The following PSMD12 variants were observed in gnomAD, a reference collection of about 807,000 sequenced individuals.
PSMD12 encodes the protein 26S proteasome non-ATPase regulatory subunit 12.
PSMD12 carries 8 observed loss-of-function variants against 62.9 expected under a neutral mutation model. The observed-to-expected ratio is 0.13, with a 90% confidence interval of 0.07 to 0.23. The LOEUF is 0.23. Ranked by LOEUF, PSMD12 falls within the 10% of genes least tolerant of loss-of-function variation. The probability of loss-of-function intolerance (pLI) is 1.00; values close to 1 mark genes in which losing one functional copy is unlikely to be tolerated. For synonymous variants in PSMD12, 173 were observed against 187.4 expected, an observed-to-expected ratio of 0.92 and a Z score of 0.63; for missense variants, 424 against 550.2, an observed-to-expected ratio of 0.77 and a Z score of 2.29.
rs1416789554 is a variant in PSMD12, at chr17:67,350,283, G to T, written c.351C>A (p.Asp117Glu). The T allele has an allele frequency of 6.2e-7, 1 of 1,613,270 alleles. No homozygotes were observed. The highest frequency in any genetic ancestry group is 1.1e-5 in the South Asian group (1 of 90,892). Residue 117 changes from aspartate (D) to glutamate (E), a missense_variant, in exon 4 of 11, where the codon GAC becomes GAA. Physicochemically the swap from Asp to Glu is conservative, Grantham distance 45. Coordinates refer to ENST00000356126, the MANE Select transcript of PSMD12 (RefSeq NM_002816.5). ...QCCTYVEEITDLPIKLRLIDT... is the reference protein window; with the variant it reads ...QCCTYVEEITELPIKLRLIDT... ...CAATTAATCGAAGTTTGATAGGAAG[G>T]TCTGTGATTTCCTCAACATAAGTAC...
intron 3 of PSMD12, among the ~76,000 whole-genome samples, chr17:67,352,589 G>A (rs1397059334): frequency 6.6e-6 from 1 of 152,148 alleles, no homozygotes; most frequent in East Asian, 1.9e-4. Flanking sequence ...AAATCAGATG[G>A]GGTTAAAAAC....
At position 67,357,519 on chromosome 17, in the gene PSMD12, A is replaced by T; in HGVS notation, c.168T>A (p.Thr56=). The T allele has an allele frequency of 6.2e-7, 1 of 1,613,666 alleles. No homozygotes were observed. The highest frequency in any genetic ancestry group is 8.5e-7 in the Non-Finnish European group (1 of 1,179,590). ...TLLSLEKQTR[T]ASDMVSTSRI... Reference sequence around the variant, plus strand: ...GAGCTTTCCCCTGTAAACTACTCACAGTACGAGTCTGCTTTTCCAGAGAGA... The same window carrying T: ...GAGCTTTCCCCTGTAAACTACTCACTGTACGAGTCTGCTTTTCCAGAGAGA... Residue 56 remains threonine, a splice_region_variant and synonymous_variant, in exon 2 of 11, where the codon ACT becomes ACA. Transcript: ENST00000356126.
intron 3 of PSMD12, among the ~76,000 whole-genome samples, chr17:67,356,330 G>A (rs1404188935): frequency 6.6e-5 from 10 of 151,312 alleles, no homozygotes; most frequent in South Asian, 4.2e-4. Flanking sequence ...AGGCCGAGGC[G>A]GGCGGATCAC....
Position 67,347,329 on chromosome 17 carries a change from T to A in PSMD12, c.660+7A>T, listed in dbSNP as rs750707654. 31 of 1,613,450 alleles carry A rather than the reference T, an allele frequency of 1.9e-5. No homozygotes were observed. Among genetic ancestry groups the A allele is most frequent in the Non-Finnish European group, 2.5e-5 (29 of 1,179,782 alleles). On this transcript the variant is annotated splice_region_variant and intron_variant, in intron 6 of 10. Coordinates refer to ENST00000356126, the MANE Select transcript of PSMD12 (RefSeq NM_002816.5). ...TAAAGTAAACATGTGGTCACAGATA[T>A]GCTCACCTCTGTATTTTCTTCCTGG...
rs903400921 is a variant in PSMD12 at position 67,359,108 on chromosome 17, C to T, written c.109-1530G>A. Among the ~76,000 whole-genome samples, 33 of 152,144 alleles carry T rather than the reference C, an allele frequency of 2.2e-4. 1 individual carries two copies. The highest frequency in any genetic ancestry group is 5.9e-4 in the Admixed American group (9 of 15,280). On this transcript the variant is annotated intron_variant, in intron 1 of 10. Transcript: ENST00000356126. ...GGTGTCTCACGCACTGTAATCCCAG[C>T]ACTTTGGGAGGCTGAGGTGGGAGGA...
chr17:67,366,400 GC>G lies in PSMD12; in HGVS notation c.108+11del. 3 of 1,604,768 alleles carry G rather than the reference GC, an allele frequency of 1.9e-6. No individual in the cohort carries two copies. The highest frequency in any genetic ancestry group is 2.6e-6 in the Non-Finnish European group (3 of 1,174,144). ...CCTGGCGCCCGCCAACAGCCAGCCGGCCTCTCCTCACCTTGGCTAGCTTCGC... is the reference window on the plus strand; with the variant it reads ...CCTGGCGCCCGCCAACAGCCAGCCGGCTCTCCTCACCTTGGCTAGCTTCGC... On this transcript the variant is annotated intron_variant, in intron 1 of 10. Transcript: ENST00000356126.
At chr17:67,358,389 G>A (rs145362670) in intron 1 of PSMD12, among the ~76,000 whole-genome samples, 2,047 of 151,796 alleles carry the variant, frequency 0.013, 18 homozygotes, top group Middle Eastern at 0.027. Context: ...GCTACATGGC[G>A]AAACCTGTCT....
chr17:67,350,162 A>G, intron 4 of PSMD12, 67 bp downstream of exon 4: 1 of 972,660 alleles, frequency 1.0e-6, no homozygotes, highest in Non-Finnish European at 1.5e-6. Context: ...ATCTACATAC[A>G]TTAAGTATCT....
chr17:67,366,323 C>A, intron 1 of PSMD12, 89 bp downstream of exon 1: 1 of 1,289,446 alleles, frequency 7.8e-7, no homozygotes, highest in South Asian at 1.3e-5. Context: ...GGTGCACGCT[C>A]CAGCCCGCAG....
intron 7 of PSMD12, among the ~76,000 whole-genome samples, chr17:67,346,425 C>T (rs2041967663): frequency 6.8e-6 from 1 of 147,494 alleles, no homozygotes; most frequent in Admixed American, 6.8e-5. Flanking sequence ...ATTAGCTGGG[C>T]ATGGTGGCAC....
intron 1 of PSMD12, among the ~76,000 whole-genome samples, chr17:67,357,928 C>CTTT (rs34021817): frequency 6.7e-6 from 1 of 148,850 alleles, no homozygotes. Flanking sequence ...TTATCTTGTT[C>CTTT]TTTTTTTTTT....
At chr17:67,359,517 C>G (rs750579819) in intron 1 of PSMD12, among the ~76,000 whole-genome samples, 1 of 151,982 alleles carries the variant, frequency 6.6e-6, no homozygotes, top group Non-Finnish European at 1.5e-5. Flanking sequence ...ATGGATGATA[C>G]GTGAGTACTA....
At chr17:67,362,426 G>A (rs1370365012) in intron 1 of PSMD12, among the ~76,000 whole-genome samples, 1 of 152,138 alleles carries the variant, frequency 6.6e-6, no homozygotes, top group East Asian at 1.9e-4. Context: ...TGTAATCCCA[G>A]CATTCTGGGA....
rs2143671947 is a variant in PSMD12, at chr17:67,338,947, T to G, written c.*1896A>C. 1 of 152,338 alleles carries G rather than the reference T, an allele frequency of 6.6e-6. No homozygotes were observed. The highest frequency in any genetic ancestry group is 2.1e-4 in the South Asian group (1 of 4,824). 9.4% of individuals were successfully genotyped at this position (152,338 alleles called of 1,614,324 possible). ...CCAGGTTTGACAAGCCCACAGGTAA[T>G]GAGTCTCTAGAAAGATGAAGTTATT... On this transcript the variant is annotated 3_prime_UTR_variant, in exon 11 of 11. Coordinates refer to ENST00000356126, the MANE Select transcript of PSMD12 (RefSeq NM_002816.5).
intron 3 of PSMD12, 23 bp from the exon 4 acceptor site, chr17:67,350,359 T>G (rs201868430): frequency 8.5e-4 from 1,289 of 1,515,654 alleles, no homozygotes; most frequent in Non-Finnish European, 1.0e-3. Context: ...AAACCATTCA[T>G]AAGTAAAATA....
At chr17:67,355,273 G>A (rs1488482341) in intron 3 of PSMD12, 1 of 151,872 alleles carries the variant, frequency 6.6e-6, no homozygotes, top group Non-Finnish European at 1.5e-5. Context: ...TGTATTTTTT[G>A]TATAGACAGG....
intron 7 of PSMD12, 141 bp downstream of exon 7, chr17:67,346,975 G>T: frequency 1.1e-6 from 1 of 875,612 alleles, no homozygotes; most frequent in Non-Finnish European, 1.7e-6. Context: ...GACTGAATCA[G>T]TAATATACTG....
chr17:67,355,465 T>C (rs971910984), intron 3 of PSMD12: 1 of 152,262 alleles, frequency 6.6e-6, no homozygotes, highest in Non-Finnish European at 1.5e-5. Context: ...AACTGACTTC[T>C]GCAAAAAATA....
At chr17:67,360,937 A>G (rs1054444203) in intron 1 of PSMD12, among the ~76,000 whole-genome samples, 2 of 152,162 alleles carry the variant, frequency 1.3e-5, no homozygotes, top group African/African-American at 4.8e-5. Flanking sequence ...CAATTTTCAA[A>G]TCATCCCCCT....
Sources: allele counts gnomAD v4.1 joint callset (sites outside exome capture counted in the v4.1 genomes callset), GRCh38; gene constraint gnomAD v4.1.1; transcripts MANE v1.5; gene names NCBI Gene and HGNC (gene_info 2026-07-23, HGNC 2026-07-21).